The following DSE variants were observed in gnomAD, a reference collection of about 807,000 sequenced individuals.
DSE encodes the protein dermatan-sulfate epimerase.
A neutral mutation model predicts 84.4 loss-of-function variants in DSE; 36 were observed. That is an observed-to-expected ratio of 0.43 (90% confidence interval 0.33 to 0.56). DSE has a LOEUF of 0.56. Among genes scored for constraint, DSE ranks in the 20% least tolerant of loss-of-function variants. The pLI is 0.06. For missense variants in DSE, 862 were observed against 1,169.6 expected (o/e 0.74, Z 3.84); for synonymous variants, 410 against 430.1 (o/e 0.95, Z 0.58).
Position 116,436,236 on chromosome 6 carries a change from G to A in DSE, c.1768G>A (p.Val590Met). Residue 590 changes from valine (V) to methionine (M), a missense_variant, in exon 6 of 6, where the codon GTG becomes ATG. Around this residue, in one of 4 missense-constraint regions of DSE, gnomAD observed 186 missense variants for 255.1 expected, o/e 0.73. Transcript: ENST00000644252. ...GACAGCAGCGAGCTTCTTCCATAAT[G>A]TGGATGTTCCTTTTGAGGAGACTGT... ...LETAASFFHNVDVPFEETVVD... is the reference protein window; with the variant it reads ...LETAASFFHNMDVPFEETVVD... The A allele has an allele frequency of 6.2e-7, 1 of 1,614,130 alleles. No homozygotes were observed. Among genetic ancestry groups the A allele is most frequent in the Non-Finnish European group, 8.5e-7 (1 of 1,180,018 alleles).
intron 1 of DSE, among the ~76,000 whole-genome samples, chr6:116,391,710 A>C (rs1780918930): frequency 6.7e-6 from 1 of 149,754 alleles, no homozygotes; most frequent in Non-Finnish European, 1.5e-5. Context: ...GCTTGCAGTG[A>C]GCCAAGATTG....
At chr6:116,308,238 A>T (rs73767735) in intron 2 of DSE, among the ~76,000 whole-genome samples, 1,922 of 152,284 alleles carry the variant, frequency 0.013, 46 homozygotes, top group African/African-American at 0.044. Context: ...TGTATGTTGT[A>T]AGAGTTGGAG....
At position 116,342,282 on chromosome 6, in the gene DSE, T is replaced by TA. The variant is rs1297497803; in HGVS notation, c.-53-56916_-53-56915insA. On this transcript the variant is annotated intron_variant, in intron 2 of 3. Coordinates refer to the DSE transcript ENST00000430252. ...TTTATGAAGGCTATTATTGTTGCTG[T>TA]TTTTTTTTTTTTTTCGAGATGGAGT... Among the ~76,000 whole-genome samples, 6 of 11,050 alleles carry TA rather than the reference T, an allele frequency of 5.4e-4. No homozygotes were observed. The African/African-American group carries it at 0.014, about 25-fold the overall frequency. 7.2% of individuals were successfully genotyped at this position (11,050 alleles called of 152,430 possible).
chr6:116,345,395 GA>G (rs1432575523), intron 2 of DSE, among the ~76,000 whole-genome samples: 1 of 152,144 alleles, frequency 6.6e-6, no homozygotes, highest in African/African-American at 2.4e-5. Flanking sequence ...AAATGTAAAA[GA>G]ACGGAAATTA....
chr6:116,443,572 A>T lies in DSE; in HGVS notation c.*6227A>T, dbSNP rs2115114137. ...ATTTAAAAAAGAAATAGTTTCAATT[A>T]TATAAGCATTGTGATTAATGCAGGC... On this transcript the variant is annotated 3_prime_UTR_variant, in exon 6 of 6. Transcript: ENST00000644252. 6.6e-6 allele frequency: 1 copy of T among 152,344 alleles called. No individual in the cohort carries two copies. Among genetic ancestry groups the T allele is most frequent in the Non-Finnish European group, 1.5e-5 (1 of 68,030 alleles). 9.4% of individuals were successfully genotyped at this position (152,344 alleles called of 1,614,324 possible).
intron 3 of DSE, among the ~76,000 whole-genome samples, chr6:116,429,223 TATG>T (rs1433805949): frequency 3.3e-5 from 5 of 152,088 alleles, no homozygotes; most frequent in African/African-American, 1.2e-4. Context: ...GAGGCCAGGG[TATG>T]ATGATCAGTC....
chr6:116,311,057 C>T (rs1214250710), intron 2 of DSE, among the ~76,000 whole-genome samples: 1 of 152,238 alleles, frequency 6.6e-6, no homozygotes, highest in African/African-American at 2.4e-5. Flanking sequence ...TGCTGCACTT[C>T]TGTCTGAAAT....
intron 2 of DSE, chr6:116,280,076 T>TAAATGTCGCTGTTGCTAAAATAAATAAA: frequency 1.7e-6 from 1 of 604,324 alleles, no homozygotes; most frequent in South Asian, 1.9e-5. Flanking sequence ...GCAACAGTAA[T>TAAATGTCGCTGTTGCTAAAATAAATAAA]TTTACCTACG....
chr6:116,328,847 A>G (rs1776782070), intron 2 of DSE, among the ~76,000 whole-genome samples: 1 of 152,146 alleles, frequency 6.6e-6, no homozygotes, highest in Admixed American at 6.5e-5. Context: ...GGTATGGGAT[A>G]CCAAGGATGG....
intron 2 of DSE, among the ~76,000 whole-genome samples, chr6:116,408,374 C>T (rs1782073317): frequency 6.6e-6 from 1 of 152,072 alleles, no homozygotes. Flanking sequence ...GAGGGTAGCC[C>T]CAGCATTTTT....
chr6:116,275,003 A>G (rs766491560), intron 2 of DSE, among the ~76,000 whole-genome samples: 15 of 152,230 alleles, frequency 9.9e-5, no homozygotes, highest in Non-Finnish European at 1.9e-4. Flanking sequence ...TAATTTTTCA[A>G]TATATTTTAA....
At chr6:116,413,387 A>G (rs1256184525) in intron 2 of DSE, among the ~76,000 whole-genome samples, 3 of 152,176 alleles carry the variant, frequency 2.0e-5, no homozygotes, top group African/African-American at 7.2e-5. Flanking sequence ...TCCCTACCCA[A>G]TATCCTTTCT....
intron 2 of DSE, among the ~76,000 whole-genome samples, chr6:116,407,544 C>T (rs1055444975): frequency 1.3e-5 from 2 of 152,188 alleles, no homozygotes; most frequent in African/African-American, 4.8e-5. Flanking sequence ...TTTAGGACCT[C>T]TTGGCCATAT....
chr6:116,274,510 C>T (rs991463170), intron 2 of DSE, among the ~76,000 whole-genome samples: 1 of 151,204 alleles, frequency 6.6e-6, no homozygotes, highest in South Asian at 2.1e-4. Flanking sequence ...TTGCGGTGAG[C>T]GGAAGCTTGC....
In DSE at chr6:116,436,194, G is replaced by C. The variant is rs201072681; in HGVS notation, c.1726G>C (p.Glu576Gln). The change falls in exon 6 of 6, where the codon GAG becomes CAG. Residue 576 changes from glutamate to glutamine, a missense_variant. Physicochemically the swap from Glu to Gln is conservative, Grantham distance 29 (BLOSUM62 2). Around this residue, in one of 4 missense-constraint regions of DSE, gnomAD observed 186 missense variants for 255.1 expected, o/e 0.73. Transcript: ENST00000644252. ...CCTTGTAGACCAAATACACCTGGGA[G>C]AGGAGAGTCCCTTGGAGACAGCAGC... ...LLLVDQIHLGEESPLETAASF... is the reference protein window; with the variant it reads ...LLLVDQIHLGQESPLETAASF... 1.2e-6 allele frequency: 2 copies of C among 1,613,864 alleles called. No individual in the cohort carries two copies.
At chr6:116,409,106 T>A (rs1782127220) in intron 2 of DSE, among the ~76,000 whole-genome samples, 1 of 152,218 alleles carries the variant, frequency 6.6e-6, no homozygotes, top group Admixed American at 6.5e-5. Flanking sequence ...CTTCATACTA[T>A]GAAGGATTAG....
At chr6:116,255,201 A>C (rs1313066884) in intron 1 of DSE, 2 of 152,252 alleles carry the variant, frequency 1.3e-5, no homozygotes, top group African/African-American at 4.8e-5. Context: ...GGTTATGATT[A>C]TAACTCTTTG....
intron 1 of DSE, among the ~76,000 whole-genome samples, chr6:116,385,993 A>T (rs1583147025): frequency 1.3e-5 from 2 of 152,206 alleles, no homozygotes; most frequent in African/African-American, 4.8e-5. Context: ...CTGCAGTTAC[A>T]GGTTTAATGC....
intron 2 of DSE, chr6:116,279,881 C>T: frequency 6.2e-7 from 1 of 1,612,636 alleles, no homozygotes. Flanking sequence ...TCCTCAGAGG[C>T]CGAACTGGGA....
Sources: gnomAD v4.1 joint callset for allele counts (sites outside exome capture counted in the v4.1 genomes callset) on GRCh38, gnomAD v4.1.1 for gene constraint, gnomAD v4.1.1 regional missense constraint, MANE v1.5 for transcripts, NCBI Gene and HGNC (gene_info 2026-07-23, HGNC 2026-07-21) for gene names.